Variants in DERL2 observed in about 807,000 individuals in gnomAD.
DERL2 encodes derlin-2.
Under a neutral mutation model 32.0 loss-of-function variants are expected in DERL2, and 13 were observed. The ratio of observed to expected loss-of-function variants is 0.41; its 90% confidence interval spans 0.26 to 0.65. The LOEUF is 0.65. DERL2 is among the 30% of genes least tolerant of loss of function. The pLI is 0.35. For synonymous variants in DERL2, 111 were observed against 104.7 expected, an observed-to-expected ratio of 1.06 and a Z score of -0.37; for missense variants, 208 against 296.3, an observed-to-expected ratio of 0.70 and a Z score of 2.19.
At position 5,475,646 on chromosome 17, in the gene DERL2, G is replaced by A. The variant is rs1054662362; in HGVS notation, c.615-857C>T. Among the ~76,000 whole-genome samples the A allele has an allele frequency of 2.0e-5, 3 of 152,004 alleles. No individual in the cohort carries two copies. In the South Asian group the frequency reaches 6.2e-4, roughly 32 times the overall value. On this transcript the variant is annotated intron_variant, in intron 6 of 6. Coordinates refer to ENST00000158771, the MANE Select transcript of DERL2 (RefSeq NM_016041.5). ...CTGTAATCCCAGCTACTACTCAGGC[G>A]GCTGAGGCAGAAGAATCACTTGAAC...
rs568153827 is a variant in DERL2, at chr17:5,481,510, A to G, written c.234-121T>C. The G allele has an allele frequency of 9.8e-6, 7 of 711,400 alleles. No homozygotes were observed. The highest frequency in any genetic ancestry group is 7.6e-5 in the Admixed American group (3 of 39,268). 44.1% of individuals were successfully genotyped at this position (711,400 alleles called of 1,614,324 possible). A position where few individuals can be genotyped will look rare whatever the true frequency, so the allele number is the denominator to read the frequency against. On this transcript the variant is annotated intron_variant, in intron 3 of 6. Coordinates refer to ENST00000158771, the MANE Select transcript of DERL2 (RefSeq NM_016041.5). This position sits in a 1 kb window ranked among gnomAD's most constrained non-coding sequence, Gnocchi z 4.4. ...TGTAATTAGTCAAGTCTTCATTTGT[A>G]TAAGAATGTTTGAGTGGTAATGTGA...
chr17:5,477,136 G>C (rs1051354815), intron 6 of DERL2, among the ~76,000 whole-genome samples: 1 of 152,106 alleles, frequency 6.6e-6, no homozygotes, highest in South Asian at 2.1e-4. Flanking sequence ...GAAAGGAGTG[G>C]TACATTCATA....
chr17:5,482,734 G>C, intron 3 of DERL2, 75 bp downstream of exon 3: 1 of 830,408 alleles, frequency 1.2e-6, no homozygotes, highest in Middle Eastern at 2.3e-4. Context: ...ACAAGTAACA[G>C]GATGAAAAGT....
At position 5,481,197 on chromosome 17, in the gene DERL2, T is replaced by C; in HGVS notation, c.327+99A>G. The C allele has an allele frequency of 1.1e-6, 1 of 896,658 alleles. No homozygotes were observed. Among genetic ancestry groups the C allele is most frequent in the Non-Finnish European group, 1.8e-6 (1 of 544,794 alleles). 55.5% of individuals were successfully genotyped at this position (896,658 alleles called of 1,614,324 possible). Reference sequence around the variant, plus strand: ...TGCTGTAAAATAAATGATAGTGCCCTGAAGCTAAGATCTAGAGAACTGTGG... The same window carrying C: ...TGCTGTAAAATAAATGATAGTGCCCCGAAGCTAAGATCTAGAGAACTGTGG... On this transcript the variant is annotated intron_variant, in intron 4 of 6. Transcript: ENST00000158771. The surrounding 1 kb of genome is among the most constrained non-coding windows in gnomAD (Gnocchi z 4.4).
At chr17:5,482,731 A>G in intron 3 of DERL2, 78 bp downstream of exon 3, 1 of 810,850 alleles carries the variant, frequency 1.2e-6, no homozygotes, top group Non-Finnish European at 2.0e-6. Context: ...AAAACAAGTA[A>G]CAGGATGAAA....
upstream of DERL2, chr17:5,486,362 C>CG (rs1009213880): frequency 3.2e-5 from 16 of 507,036 alleles, no homozygotes; most frequent in African/African-American, 1.6e-4. Context: ...CACCGCCCCC[C>CG]CCCAGCGCCC....
rs1905220513 is a variant in DERL2 at position 5,473,641 on chromosome 17, A to G, written c.*1043T>C. On this transcript the variant is annotated 3_prime_UTR_variant, in exon 7 of 7. Transcript: ENST00000158771. ...TAATTAAAAAAACAAAAAACAAAAC[A>G]AAACAAAAAAGGCAAAAAAAAAAAA... is the stretch of plus-strand genomic sequence containing the variant. 1.6e-5 allele frequency: 2 copies of G among 126,632 alleles called. No homozygotes were observed. Among genetic ancestry groups the G allele is most frequent in the African/African-American group, 6.8e-5 (2 of 29,246 alleles). The allele number at this position is 126,632 out of a possible 1,614,324, so 7.8% of individuals were successfully genotyped here.
Position 5,482,896 on chromosome 17 carries a change from AT to A in DERL2, c.160-15del. On this transcript the variant is annotated splice_polypyrimidine_tract_variant and intron_variant, in intron 2 of 6. Coordinates refer to ENST00000158771, the MANE Select transcript of DERL2 (RefSeq NM_016041.5). ...TAATCTCCATATCTGTTAAAAAAAA[AT>A]CAAGAGAAAGATGTATTAAGTAAAA... 5 of 1,368,950 alleles carry A rather than the reference AT, an allele frequency of 3.7e-6. No individual in the cohort carries two copies. In the South Asian group the frequency reaches 3.8e-5, roughly 10 times the overall value. The allele number at this position is 1,368,950 out of a possible 1,614,324, so 84.8% of individuals were successfully genotyped here. A position where few individuals can be genotyped will look rare whatever the true frequency, so the allele number is the denominator to read the frequency against.
chr17:5,475,258 A>T (rs978841418), intron 6 of DERL2, among the ~76,000 whole-genome samples: 5 of 141,930 alleles, frequency 3.5e-5, no homozygotes, highest in African/African-American at 7.7e-5. Context: ...ATATAATAGA[A>T]TTTTTTTTTT....
At position 5,481,237 on chromosome 17, in the gene DERL2, G is replaced by T; in HGVS notation, c.327+59C>A. On this transcript the variant is annotated intron_variant, in intron 4 of 6. Coordinates refer to ENST00000158771, the MANE Select transcript of DERL2 (RefSeq NM_016041.5). This position sits in a 1 kb window ranked among gnomAD's most constrained non-coding sequence, Gnocchi z 4.4. Reference sequence around the variant, plus strand: ...GAGAACTGTGGGAGACAGATGACAAGCTTTAGGAAGAGCCAGGGTGTTCTT... The same window carrying T: ...GAGAACTGTGGGAGACAGATGACAATCTTTAGGAAGAGCCAGGGTGTTCTT... 1 of 1,246,402 alleles carries T rather than the reference G, an allele frequency of 8.0e-7. No homozygotes were observed. Among genetic ancestry groups the T allele is most frequent in the Non-Finnish European group, 1.2e-6 (1 of 844,932 alleles). 77.2% of individuals were successfully genotyped at this position (1,246,402 alleles called of 1,614,324 possible).
At position 5,474,720 on chromosome 17, in the gene DERL2, G is replaced by C; in HGVS notation, c.684C>G (p.Gly228=). The change falls in exon 7 of 7, where the codon GGC becomes GGG. Residue 228 remains glycine (G), a synonymous_variant. Transcript: ENST00000158771. This position sits in a 1 kb window ranked among gnomAD's most constrained non-coding sequence, Gnocchi z 4.3. ...YNPLPEERPG[G]FAWGEGQRLG... ...GCCGCTGGCCCTCACCCCAGGCGAAGCCTCCTGGCCGTTCCTCAGGTAGTG... is the reference window on the plus strand; with the variant it reads ...GCCGCTGGCCCTCACCCCAGGCGAACCCTCCTGGCCGTTCCTCAGGTAGTG... 1 of 1,613,530 alleles carries C rather than the reference G, an allele frequency of 6.2e-7. No homozygotes were observed.
chr17:5,477,503 C>G (rs990322140), intron 6 of DERL2, among the ~76,000 whole-genome samples: 1 of 152,034 alleles, frequency 6.6e-6, no homozygotes, highest in African/African-American at 2.4e-5. Context: ...ATACTAAACT[C>G]TAGTTACTGA....
rs1420198274 is a variant in DERL2, at chr17:5,472,815, CT to C, written c.*1868del. 1 of 151,594 alleles carries C rather than the reference CT, an allele frequency of 6.6e-6. No individual in the cohort carries two copies. Among genetic ancestry groups the C allele is most frequent in the East Asian group, 1.9e-4 (1 of 5,194 alleles). 9.4% of individuals were successfully genotyped at this position (151,594 alleles called of 1,614,324 possible). On this transcript the variant is annotated 3_prime_UTR_variant, in exon 7 of 7. Transcript: ENST00000158771. ...AAAAACAAAATTCTAACAAACGTCA[CT>C]GATAAAGCGTTCTTGAGCAAAAACA...
At chr17:5,476,002 T>C (rs932929173) in intron 6 of DERL2, among the ~76,000 whole-genome samples, 2 of 152,102 alleles carry the variant, frequency 1.3e-5, no homozygotes, top group Non-Finnish European at 1.5e-5. Context: ...AGCAAAACAG[T>C]ATGAATATAC....
chr17:5,486,179 G>GCCCCACCCCCCACCCA, upstream of DERL2: 1 of 1,540,444 alleles, frequency 6.5e-7, no homozygotes, highest in Non-Finnish European at 8.8e-7. Flanking sequence ...ACCGTCGCCT[G>GCCCCACCCCCCACCCA]CCCCACCCCC....
intron 6 of DERL2, among the ~76,000 whole-genome samples, chr17:5,477,014 A>G (rs558891334): frequency 6.6e-6 from 1 of 152,306 alleles, no homozygotes; most frequent in African/African-American, 2.4e-5. Context: ...AGGCATCCAT[A>G]TGGGAGAGGT....
At chr17:5,478,092 TG>T (rs2151702283) in intron 6 of DERL2, 2 of 152,406 alleles carry the variant, frequency 1.3e-5, no homozygotes, top group East Asian at 3.9e-4. Context: ...TGGGGTGTAG[TG>T]GCTCACACCT....
upstream of DERL2, chr17:5,486,725 G>A (rs1190470173): frequency 1.3e-5 from 2 of 152,630 alleles, no homozygotes; most frequent in Admixed American, 1.3e-4. Context: ...GGAGGAGCGG[G>A]GACGGGCGAG....
Position 5,481,256 on chromosome 17 carries a change from T to C in DERL2, c.327+40A>G. On this transcript the variant is annotated intron_variant, in intron 4 of 6. Transcript: ENST00000158771. The surrounding 1 kb of genome is among the most constrained non-coding windows in gnomAD (Gnocchi z 4.4). ...TGACAAGCTTTAGGAAGAGCCAGGG[T>C]GTTCTTCAACATTTTCCCGTGTTGT... is the stretch of plus-strand genomic sequence containing the variant. 2.9e-6 allele frequency: 4 copies of C among 1,400,044 alleles called. No individual in the cohort carries two copies. The highest frequency in any genetic ancestry group is 4.1e-6 in the Non-Finnish European group (4 of 984,600). 86.7% of individuals were successfully genotyped at this position (1,400,044 alleles called of 1,614,324 possible). A position where few individuals can be genotyped will look rare whatever the true frequency, so the allele number is the denominator to read the frequency against.
Sources: allele counts gnomAD v4.1 joint callset (sites outside exome capture counted in the v4.1 genomes callset), GRCh38; gene constraint gnomAD v4.1.1; non-coding constraint Gnocchi (gnomAD v3.1); transcripts MANE v1.5; gene names NCBI Gene and HGNC (gene_info 2026-07-23, HGNC 2026-07-21).